The following KIF1A variants were observed in gnomAD, a reference collection of about 807,000 sequenced individuals.
KIF1A encodes the protein kinesin family member 1A.
KIF1A carries 46 observed loss-of-function variants against 227.3 expected under a neutral mutation model. The observed-to-expected ratio is 0.20, with a 90% CI of 0.16 to 0.26. The LOEUF is 0.26. KIF1A is among the 10% of genes least tolerant of loss of function. KIF1A has a pLI of 1.00. For missense variants in KIF1A, 1,683 were observed against 2,485.9 expected (o/e 0.68, Z 6.87); for synonymous variants, 1,022 against 1,012.8 (o/e 1.01, Z -0.17).
chr2:240,773,925 C>T (rs764633787), intron 12 of KIF1A, among the ~76,000 whole-genome samples: 2 of 152,218 alleles, frequency 1.3e-5, no homozygotes, highest in Non-Finnish European at 2.9e-5. Context: ...AGGCACAGCT[C>T]TCCCAGTCTG....
In KIF1A at chr2:240,725,748, G is replaced by A. The variant is rs950293351; in HGVS notation, c.4123-344C>T. On this transcript the variant is annotated intron_variant, in intron 39 of 48. Coordinates refer to ENST00000498729, the MANE Select transcript of KIF1A (RefSeq NM_001244008.2). This position sits in a 1 kb window ranked among gnomAD's most constrained non-coding sequence, Gnocchi z 5.8. ...ACCCCTCCCCGACCCTGGAATGTCT[G>A]TGAGGATCAAACCAGGTCTTGTTTG... is the stretch of plus-strand genomic sequence containing the variant. The A allele has an allele frequency of 4.0e-6, 1 of 250,078 alleles. No homozygotes were observed. Among genetic ancestry groups the A allele is most frequent in the Non-Finnish European group, 7.6e-6 (1 of 131,080 alleles). 15.5% of individuals were successfully genotyped at this position (250,078 alleles called of 1,614,324 possible). A position where few individuals can be genotyped will look rare whatever the true frequency, so the allele number is the denominator to read the frequency against.
intron 35 of KIF1A, 49 bp downstream of exon 35, chr2:240,741,220 A>AC (rs746764501): frequency 2.5e-5 from 33 of 1,296,472 alleles, no homozygotes; most frequent in African/African-American, 3.0e-5. Flanking sequence ...CTCTCCGCGC[A>AC]CCCCCCGACA....
At position 240,722,635 on chromosome 2, in the gene KIF1A, G is replaced by T; in HGVS notation, c.4486C>A (p.Leu1496Met). The change falls in exon 43 of 49, where the codon CTG (leucine) becomes ATG (methionine). Residue 1496 changes from leucine to methionine, a missense_variant. Coordinates refer to ENST00000498729, the MANE Select transcript of KIF1A (RefSeq NM_001244008.2). The part of the protein sequence containing the change: ...LQEVEKTRHY[L>M]LLREKLETAQ... ...GTCTCCAGCTTCTCCCGCAGGAGCA[G>T]GTAGTGCCTAGTCTTCTCCACCTTC... is the stretch of plus-strand genomic sequence containing the variant. 6.4e-7 allele frequency: 1 copy of T among 1,554,582 alleles called. No homozygotes were observed. Among genetic ancestry groups the T allele is most frequent in the East Asian group, 2.4e-5 (1 of 42,270 alleles).
intron 34 of KIF1A, among the ~76,000 whole-genome samples, chr2:240,741,784 C>A (rs1471017696): frequency 6.6e-6 from 1 of 152,220 alleles, no homozygotes; most frequent in Non-Finnish European, 1.5e-5. Flanking sequence ...TTGGCCACAG[C>A]CTACTACACC....
At position 240,739,199 on chromosome 2, in the gene KIF1A, C is replaced by T. The variant is rs551371106; in HGVS notation, c.3901+859G>A. ...AGTGACCTTGAGCAGCCACCCAGCC[C>T]GGCCATGGCAATGTCTGGGGCAAGG... On this transcript the variant is annotated intron_variant, in intron 37 of 48. Transcript: ENST00000498729. The surrounding 1 kb of genome is among the most constrained non-coding windows in gnomAD (Gnocchi z 5.6). Among the ~76,000 whole-genome samples, 8 of 152,344 alleles carry T rather than the reference C, an allele frequency of 5.3e-5. No homozygotes were observed. Among genetic ancestry groups the T allele is most frequent in the Admixed American group, 4.6e-4 (7 of 15,308 alleles).
chr2:240,771,309 C>T, intron 14 of KIF1A: 1 of 669,586 alleles, frequency 1.5e-6, no homozygotes, highest in Non-Finnish European at 2.6e-6. Flanking sequence ...GCACAGCAGC[C>T]CTGCCAGGCC....
chr2:240,729,616 G>T (rs1464851792), intron 38 of KIF1A, among the ~76,000 whole-genome samples: 1 of 152,244 alleles, frequency 6.6e-6, no homozygotes, highest in Non-Finnish European at 1.5e-5. Context: ...GCCTGGAGCT[G>T]TAAGTAGAAC....
rs1288885072 is a variant in KIF1A at position 240,745,816 on chromosome 2, T to C, written c.3296A>G (p.Asn1099Ser). 3.7e-6 allele frequency: 6 copies of C among 1,612,812 alleles called. No individual in the cohort carries two copies. Among genetic ancestry groups the C allele is most frequent in the Non-Finnish European group, 5.1e-6 (6 of 1,179,698 alleles). Residue 1099 changes from asparagine (N) to serine (S), a missense_variant, in exon 31 of 49, where the codon AAC (asparagine) becomes AGC (serine). Asn to Ser is a conservative substitution (Grantham distance 46). Coordinates refer to ENST00000498729, the MANE Select transcript of KIF1A (RefSeq NM_001244008.2). ...DAALDHLRLG[N>S]TFTFRVTVLQ... ...GACTGTCACACGGAAGGTGAAGGTG[T>C]TGCCCAGGCGGAGGTGGTCCAGGGC...
At chr2:240,719,265 A>C in intron 46 of KIF1A, 67 bp from the exon 47 acceptor site, 1 of 1,523,062 alleles carries the variant, frequency 6.6e-7, no homozygotes, top group Non-Finnish European at 8.9e-7. Context: ...GGCACTCACC[A>C]TCTACCACCC....
intron 7 of KIF1A, 62 bp from the exon 8 acceptor site, chr2:240,783,878 C>G: frequency 1.5e-6 from 2 of 1,312,108 alleles, no homozygotes; most frequent in Non-Finnish European, 2.2e-6. Flanking sequence ...CATCCCAGGA[C>G]CCCTGGGCAA....
At chr2:240,801,789 T>C (rs1394455250) in intron 1 of KIF1A, among the ~76,000 whole-genome samples, 1 of 152,142 alleles carries the variant, frequency 6.6e-6, no homozygotes, top group East Asian at 1.9e-4. Flanking sequence ...AGAAAGCAGA[T>C]CCTCAGCCAA....
rs1019836185 is a variant in KIF1A at position 240,790,165 on chromosome 2, C to T, written c.107-853G>A. 2.6e-4 allele frequency among the ~76,000 whole-genome samples: 39 copies of T among 152,178 alleles called. No homozygotes were observed. Among genetic ancestry groups the T allele is most frequent in the Admixed American group, 9.8e-4 (15 of 15,286 alleles). ...CTGCAGACTGCATGTCCTCAGTGGC[C>T]GGAAGGACAGGACCCGCTGCCCCCT... On this transcript the variant is annotated intron_variant, in intron 2 of 48. Transcript: ENST00000498729. This position sits in a 1 kb window ranked among gnomAD's most constrained non-coding sequence, Gnocchi z 5.0.
In KIF1A at chr2:240,719,253, C is replaced by T. The variant is rs533798687; in HGVS notation, c.5022-55G>A. 6.3e-5 allele frequency: 97 copies of T among 1,546,240 alleles called. No homozygotes were observed. In the East Asian group the frequency reaches 6.8e-4, roughly 11 times the overall value. ...CCCTCGGTGGGGGCAGCGACTGACTCGGGCACTCACCATCTACCACCCAGA... is the reference window on the plus strand; with the variant it reads ...CCCTCGGTGGGGGCAGCGACTGACTTGGGCACTCACCATCTACCACCCAGA... On this transcript the variant is annotated intron_variant, in intron 46 of 48. Coordinates refer to ENST00000498729, the MANE Select transcript of KIF1A (RefSeq NM_001244008.2).
rs746154741 is a variant in KIF1A, at chr2:240,737,196, C to T, written c.3902-28G>A. 2.5e-6 allele frequency: 4 copies of T among 1,596,634 alleles called. No individual in the cohort carries two copies. In the Admixed American group the frequency reaches 5.0e-5, roughly 20 times the overall value. On this transcript the variant is annotated intron_variant, in intron 37 of 48. Coordinates refer to ENST00000498729, the MANE Select transcript of KIF1A (RefSeq NM_001244008.2). ...GCAGAAAAGGCAACGGGCCACAGGTCACTTCCCAGGGGGCAGGTGGGACCC... is the reference window on the plus strand; with the variant it reads ...GCAGAAAAGGCAACGGGCCACAGGTTACTTCCCAGGGGGCAGGTGGGACCC...
chr2:240,796,451 C>T (rs903021270), intron 2 of KIF1A, among the ~76,000 whole-genome samples: 9 of 152,202 alleles, frequency 5.9e-5, no homozygotes, highest in East Asian at 1.9e-4. Flanking sequence ...CACTTACGAA[C>T]GCACCTTTGT....
At position 240,778,301 on chromosome 2, in the gene KIF1A, A is replaced by G. The variant is rs13027102; in HGVS notation, c.883-2375T>C. Among the ~76,000 whole-genome samples the G allele has an allele frequency of 0.17, 26,086 of 151,908 alleles. 2,455 individuals carry two copies. The highest frequency in any genetic ancestry group is 0.23 in the Middle Eastern group (69 of 294). Reference sequence around the variant, plus strand: ...ACGCGATCCTCACCTAGGTCTCTACATAGGGCCTCGTTACACAGGCGTTCC... The same window carrying G: ...ACGCGATCCTCACCTAGGTCTCTACGTAGGGCCTCGTTACACAGGCGTTCC... On this transcript the variant is annotated intron_variant, in intron 10 of 48. Coordinates refer to ENST00000498729, the MANE Select transcript of KIF1A (RefSeq NM_001244008.2). This position sits in a 1 kb window ranked among gnomAD's most constrained non-coding sequence, Gnocchi z 7.2.
chr2:240,800,713 A>C (rs1389179725), intron 1 of KIF1A, among the ~76,000 whole-genome samples: 2 of 152,184 alleles, frequency 1.3e-5, no homozygotes, highest in Non-Finnish European at 2.9e-5. Flanking sequence ...AGGATATGAG[A>C]GGTGAGATTT....
intron 45 of KIF1A, 38 bp from the exon 46 acceptor site, chr2:240,719,964 C>G: frequency 6.5e-7 from 1 of 1,549,522 alleles, no homozygotes; most frequent in Non-Finnish European, 8.7e-7. Flanking sequence ...CTGCAGGCCT[C>G]CCTGGGCCTG....
chr2:240,776,712 C>T (rs1475018532), intron 10 of KIF1A, among the ~76,000 whole-genome samples: 3 of 152,246 alleles, frequency 2.0e-5, no homozygotes, highest in African/African-American at 7.2e-5. Context: ...TTCCAGAGCA[C>T]CTGCTGGGCC....
Sources: allele counts gnomAD v4.1 joint callset (sites outside exome capture counted in the v4.1 genomes callset), GRCh38; gene constraint gnomAD v4.1.1; non-coding constraint Gnocchi (gnomAD v3.1); transcripts MANE v1.5; gene names NCBI Gene and HGNC (gene_info 2026-07-23, HGNC 2026-07-21).